Variants in PREX2 observed in about 807,000 individuals in gnomAD.
PREX2 encodes the protein phosphatidylinositol 3,4,5-trisphosphate-dependent Rac exchanger 2 protein.
A neutral mutation model predicts 203.2 loss-of-function variants in PREX2; 107 were observed. That is an observed-to-expected ratio of 0.53 (90% CI 0.45 to 0.62). The LOEUF is 0.62. Ranked by LOEUF, PREX2 falls within the 20% of genes least tolerant of loss-of-function variation. PREX2 has a pLI of 0.00. For missense variants in PREX2, 1,777 were observed against 1,955.9 expected, an observed-to-expected ratio of 0.91 and a Z score of 1.72; for synonymous variants, 672 against 663.6, an observed-to-expected ratio of 1.01 and a Z score of -0.19.
intron 11 of PREX2, among the ~76,000 whole-genome samples, chr8:68,067,356 G>C: frequency 6.6e-6 from 1 of 151,976 alleles, no homozygotes; most frequent in Non-Finnish European, 1.5e-5. Context: ...CCATGAACAT[G>C]GGATTTCTTA....
chr8:68,200,037 A>G (rs1242289845), intron 37 of PREX2, among the ~76,000 whole-genome samples: 1 of 152,216 alleles, frequency 6.6e-6, no homozygotes, highest in Admixed American at 6.5e-5. Flanking sequence ...ATAAGCCAAT[A>G]AAGCTTTCAA....
chr8:67,992,163 A>G (rs1806630409), intron 1 of PREX2, among the ~76,000 whole-genome samples: 1 of 152,126 alleles, frequency 6.6e-6, no homozygotes, highest in African/African-American at 2.4e-5. Context: ...CTCTTCTGTG[A>G]AGCCAAAGCT....
At chr8:68,107,044 G>C (rs150318436) in intron 23 of PREX2, among the ~76,000 whole-genome samples, 1 of 152,014 alleles carries the variant, frequency 6.6e-6, no homozygotes, top group African/African-American at 2.4e-5. Context: ...AGCCTCATGG[G>C]GTTTACCATC....
chr8:68,032,564 C>T (rs1320865242), intron 6 of PREX2, among the ~76,000 whole-genome samples: 2 of 152,168 alleles, frequency 1.3e-5, no homozygotes, highest in Non-Finnish European at 2.9e-5. Context: ...CAGCCCACCA[C>T]CCCATCGAGG....
intron 19 of PREX2, among the ~76,000 whole-genome samples, chr8:68,088,454 G>A (rs1446158907): frequency 6.6e-6 from 1 of 152,120 alleles, no homozygotes; most frequent in Non-Finnish European, 1.5e-5. Flanking sequence ...GTCACTATTA[G>A]CATAAGAAGT....
chr8:68,031,489 T>A (rs1807880413), intron 6 of PREX2, among the ~76,000 whole-genome samples: 1 of 152,234 alleles, frequency 6.6e-6, no homozygotes, highest in Non-Finnish European at 1.5e-5. Context: ...AGGCTTTAGA[T>A]GAATTTGTTT....
chr8:68,076,101 T>A (rs1324082439), intron 14 of PREX2, among the ~76,000 whole-genome samples: 2 of 152,186 alleles, frequency 1.3e-5, no homozygotes, highest in Non-Finnish European at 2.9e-5. Flanking sequence ...CAGAGAATTT[T>A]GATACATTAT....
In PREX2 at chr8:68,088,402, A is replaced by C. The variant is rs567332325; in HGVS notation, c.2113+593A>C. On this transcript the variant is annotated intron_variant, in intron 19 of 39. Coordinates refer to ENST00000288368, the MANE Select transcript of PREX2 (RefSeq NM_024870.4). ...GAAGGAAATAACTGTCAGATCCCAC[A>C]TTACTAAACATAGTAAGTAACTTGC... Among the ~76,000 whole-genome samples, 4 of 152,362 alleles carry C rather than the reference A, an allele frequency of 2.6e-5. No individual in the cohort carries two copies. The South Asian group carries it at 8.3e-4, about 32-fold the overall frequency.
At position 68,235,971 on chromosome 8, in the gene PREX2, T is replaced by C. The variant is rs1813257453; in HGVS notation, c.*4593T>C. 1 of 152,150 alleles carries C rather than the reference T, an allele frequency of 6.6e-6. No homozygotes were observed. The highest frequency in any genetic ancestry group is 6.6e-5 in the Admixed American group (1 of 15,260). 9.4% of individuals were successfully genotyped at this position (152,150 alleles called of 1,614,324 possible). On this transcript the variant is annotated 3_prime_UTR_variant, in exon 40 of 40. Coordinates refer to ENST00000288368, the MANE Select transcript of PREX2 (RefSeq NM_024870.4). Reference sequence around the variant, plus strand: ...CCTGAAGTCTACTAAGTCTACTAAATGAGATATATATGTGTATGTATATGC... The same window carrying C: ...CCTGAAGTCTACTAAGTCTACTAAACGAGATATATATGTGTATGTATATGC...
At chr8:68,207,114 C>A (rs1357475124) in intron 37 of PREX2, among the ~76,000 whole-genome samples, 2 of 151,978 alleles carry the variant, frequency 1.3e-5, no homozygotes. Flanking sequence ...AATATAATTA[C>A]TATAAGACTA....
intron 4 of PREX2, among the ~76,000 whole-genome samples, chr8:68,023,671 A>G (rs1455673622): frequency 2.0e-5 from 3 of 152,188 alleles, no homozygotes; most frequent in Admixed American, 1.3e-4. Flanking sequence ...TTTTTTGGTC[A>G]TATATAAGAA....
At chr8:68,164,022 A>G (rs1167573878) in intron 35 of PREX2, among the ~76,000 whole-genome samples, 3 of 152,134 alleles carry the variant, frequency 2.0e-5, no homozygotes, top group Non-Finnish European at 4.4e-5. Context: ...GCGGTAGGGT[A>G]TGAGACCTCA....
At chr8:68,004,200 A>G (rs1315132087) in intron 1 of PREX2, among the ~76,000 whole-genome samples, 3 of 152,168 alleles carry the variant, frequency 2.0e-5, no homozygotes, top group Admixed American at 2.0e-4. Context: ...TGGAGAAGCT[A>G]CTTAATCTCC....
At chr8:68,183,122 C>T (rs371262366) in intron 35 of PREX2, among the ~76,000 whole-genome samples, 25 of 151,712 alleles carry the variant, frequency 1.6e-4, no homozygotes, top group Admixed American at 9.2e-4. Context: ...CTTTTGGCAC[C>T]GGAGAAATTT....
intron 38 of PREX2, 26 bp downstream of exon 38, chr8:68,217,744 A>G: frequency 6.4e-7 from 1 of 1,552,808 alleles, no homozygotes; most frequent in East Asian, 2.3e-5. Context: ...ACTTGGGAAT[A>G]GTTGTTTTGT....
intron 35 of PREX2, among the ~76,000 whole-genome samples, chr8:68,182,081 A>G (rs964218237): frequency 6.6e-6 from 1 of 152,080 alleles, no homozygotes; most frequent in Non-Finnish European, 1.5e-5. Flanking sequence ...AATAATAATA[A>G]GCAATGTTGA....
chr8:68,074,027 C>G (rs1209416920), intron 14 of PREX2, among the ~76,000 whole-genome samples: 1 of 151,654 alleles, frequency 6.6e-6, no homozygotes, highest in Non-Finnish European at 1.5e-5. Flanking sequence ...AGTGCAGTGG[C>G]TCAATCTCGG....
intron 24 of PREX2, among the ~76,000 whole-genome samples, chr8:68,108,544 A>G (rs538458240): frequency 3.3e-5 from 5 of 152,200 alleles, no homozygotes; most frequent in African/African-American, 1.2e-4. Context: ...TTTTCTTCTA[A>G]GAAGGATGAT....
intron 7 of PREX2, among the ~76,000 whole-genome samples, chr8:68,041,443 T>A (rs1473896563): frequency 1.3e-5 from 2 of 152,138 alleles, no homozygotes; most frequent in Non-Finnish European, 2.9e-5. Flanking sequence ...TAAGAGACAC[T>A]AATTCAAAAA....
Sources: allele counts gnomAD v4.1 joint callset (sites outside exome capture counted in the v4.1 genomes callset), GRCh38; gene constraint gnomAD v4.1.1; transcripts MANE v1.5; gene names NCBI Gene and HGNC (gene_info 2026-07-23, HGNC 2026-07-21).